Variants in C8orf82 observed in about 807,000 individuals in gnomAD.
The protein encoded by C8orf82 is chromosome 8 open reading frame 82.
Under a neutral mutation model 15.0 loss-of-function variants are expected in C8orf82, and 24 were observed. The ratio of observed to expected loss-of-function variants is 1.60; its 90% confidence interval spans 1.16 to 2.24. C8orf82 has a LOEUF of 2.24. Among genes scored for constraint, C8orf82 ranks in the 30% most tolerant of loss-of-function variants. The pLI is 0.00. For synonymous variants in C8orf82, 205 were observed against 152.2 expected (o/e 1.35, Z -2.55); for missense variants, 388 against 317.4 (o/e 1.22, Z -1.69).
In C8orf82 at chr8:144,527,734, G is replaced by C; in HGVS notation, c.259C>G (p.Arg87Gly). 6.3e-7 allele frequency: 1 copy of C among 1,592,644 alleles called. No individual in the cohort carries two copies. The highest frequency in any genetic ancestry group is 8.5e-7 in the Non-Finnish European group (1 of 1,176,754). The change falls in exon 3 of 3, where the codon CGC becomes GGC. Residue 87 changes from arginine to glycine, a missense_variant. Transcript: ENST00000524821. The part of the protein sequence containing the change: ...FSRLRPNRSG[R>G]YEAAFPFLSP... ...AGGAAGGGGAAAGCGGCCTCGTAGC[G>C]CCCGCTGCGGTTGGGTCTCAGGCGG...
At position 144,526,305 on chromosome 8, in the gene C8orf82, G is replaced by C. The variant is rs950955527; in HGVS notation, c.*1037C>G. 6.6e-6 allele frequency: 1 copy of C among 152,378 alleles called. No homozygotes were observed. Among genetic ancestry groups the C allele is most frequent in the East Asian group, 1.9e-4 (1 of 5,192 alleles). The allele number at this position is 152,378 out of a possible 1,614,324, so 9.4% of individuals were successfully genotyped here. ...GTCTCAGGACGCGTGTGAACCCCAA[G>C]AAGTTGGGGGCGTTATCTGGGCCCT... is the stretch of plus-strand genomic sequence containing the variant. On this transcript the variant is annotated 3_prime_UTR_variant, in exon 3 of 3. Coordinates refer to ENST00000524821, the MANE Select transcript of C8orf82 (RefSeq NM_001001795.2).
rs991710605 is a variant in C8orf82, at chr8:144,527,373, G to A, written c.620C>T (p.Ala207Val). The A allele has an allele frequency of 1.6e-6, 2 of 1,232,500 alleles. No individual in the cohort carries two copies. The highest frequency in any genetic ancestry group is 1.6e-5 in the African/African-American group (1 of 62,180). 76.3% of individuals were successfully genotyped at this position (1,232,500 alleles called of 1,614,324 possible). A position where few individuals can be genotyped will look rare whatever the true frequency, so the allele number is the denominator to read the frequency against. ...CGACCGAGCCGCGAGCAGCAGCGGG[G>A]CCAGGTCCATGGTGAGGGCGAGGCG... ...GRRLALTMDL[A>V]PLLLAARSP is the part of the protein sequence containing the mutation. The change falls in exon 3 of 3, where the codon GCC becomes GTC. Residue 207 changes from alanine to valine, a missense_variant. Ala to Val is a moderately conservative substitution (Grantham distance 64, BLOSUM62 0). Transcript: ENST00000524821.
In C8orf82 at chr8:144,527,153, T is replaced by G. The variant is rs1816394811; in HGVS notation, c.*189A>C. 1.5e-5 allele frequency: 4 copies of G among 260,392 alleles called. No individual in the cohort carries two copies. Among genetic ancestry groups the G allele is most frequent in the Admixed American group, 5.9e-5 (1 of 17,044 alleles). The allele number at this position is 260,392 out of a possible 1,614,324, so 16.1% of individuals were successfully genotyped here. A position where few individuals can be genotyped will look rare whatever the true frequency, so the allele number is the denominator to read the frequency against. ...TCGGGTGCGCGGGGGGCGCGCGCCGTGGGGAGCGGGGTGTCCGGGAGGGCC... is the reference window on the plus strand; with the variant it reads ...TCGGGTGCGCGGGGGGCGCGCGCCGGGGGGAGCGGGGTGTCCGGGAGGGCC... On this transcript the variant is annotated 3_prime_UTR_variant, in exon 3 of 3. Coordinates refer to ENST00000524821, the MANE Select transcript of C8orf82 (RefSeq NM_001001795.2).
At position 144,529,083 on chromosome 8, in the gene C8orf82, T is replaced by C. The variant is rs1020754688; in HGVS notation, c.-167A>G. The C allele has an allele frequency of 2.1e-5, 13 of 626,516 alleles. No individual in the cohort carries two copies. In the Admixed American group the frequency reaches 3.1e-4, roughly 15 times the overall value. The allele number at this position is 626,516 out of a possible 1,614,324, so 38.8% of individuals were successfully genotyped here. On this transcript the variant is annotated 5_prime_UTR_variant, in exon 1 of 3. Transcript: ENST00000524821. ...TCGGGCCTCGGGGGCTCGCCCGCCCTGGCCTTCCGAGAGGCGTGTGCCGGT... is the reference window on the plus strand; with the variant it reads ...TCGGGCCTCGGGGGCTCGCCCGCCCCGGCCTTCCGAGAGGCGTGTGCCGGT...
Position 144,527,429 on chromosome 8 carries a change from C to A in C8orf82, c.564G>T (p.Ala188=). 1 of 1,240,760 alleles carries A rather than the reference C, an allele frequency of 8.1e-7. No homozygotes were observed. The highest frequency in any genetic ancestry group is 1.0e-6 in the Non-Finnish European group (1 of 989,450). 76.9% of individuals were successfully genotyped at this position (1,240,760 alleles called of 1,614,324 possible). Residue 188 remains alanine (A), a synonymous_variant, in exon 3 of 3, where the codon GCG becomes GCT. Transcript: ENST00000524821. ...ACFEYGPGAP[A]LPSHVRWQGR... is the part of the protein sequence containing the mutation. ...CCTGCCAGCGCACGTGCGAGGGCAGCGCAGGCGCGCCGGGCCCGTACTCGA... is the reference window on the plus strand; with the variant it reads ...CCTGCCAGCGCACGTGCGAGGGCAGAGCAGGCGCGCCGGGCCCGTACTCGA...
rs1349686546 is a variant in C8orf82, at chr8:144,526,143, G to A, written c.*1199C>T. 1 of 152,220 alleles carries A rather than the reference G, an allele frequency of 6.6e-6. No homozygotes were observed. Among genetic ancestry groups the A allele is most frequent in the Non-Finnish European group, 1.5e-5 (1 of 68,046 alleles). 9.4% of individuals were successfully genotyped at this position (152,220 alleles called of 1,614,324 possible). On this transcript the variant is annotated 3_prime_UTR_variant, in exon 3 of 3. Transcript: ENST00000524821. ...CTTTCGAGTCATGTGGAAAGGGACA[G>A]GACCAAGTGGCCTTGGTGTTTAAAT...
At position 144,527,262 on chromosome 8, in the gene C8orf82, C is replaced by G. The variant is rs1816400420; in HGVS notation, c.*80G>C. ...ACTAGGCTGCCGCGAGCGCGGGTGGCGCGGGCTTTCCGGGGCGTGGAGTCC... is the reference window on the plus strand; with the variant it reads ...ACTAGGCTGCCGCGAGCGCGGGTGGGGCGGGCTTTCCGGGGCGTGGAGTCC... On this transcript the variant is annotated 3_prime_UTR_variant, in exon 3 of 3. Transcript: ENST00000524821. 1 of 1,003,334 alleles carries G rather than the reference C, an allele frequency of 1.0e-6. No individual in the cohort carries two copies. The highest frequency in any genetic ancestry group is 1.7e-5 in the African/African-American group (1 of 58,186). The allele number at this position is 1,003,334 out of a possible 1,614,324, so 62.2% of individuals were successfully genotyped here.
At chr8:144,528,308 C>T (rs756951988) in intron 1 of C8orf82, 23 of 1,510,436 alleles carry the variant, frequency 1.5e-5, no homozygotes, top group East Asian at 1.3e-4. Flanking sequence ...GCACCTTTTC[C>T]CTCTTTTCAA....
Position 144,527,584 on chromosome 8 carries a change from C to T in C8orf82, c.409G>A (p.Ala137Thr), listed in dbSNP as rs1227449181. The change falls in exon 3 of 3, where the codon GCC (alanine) becomes ACC (threonine). Residue 137 changes from alanine to threonine, a missense_variant. Ala to Thr is a moderately conservative substitution (Grantham distance 58, BLOSUM62 0). Coordinates refer to ENST00000524821, the MANE Select transcript of C8orf82 (RefSeq NM_001001795.2). Reference protein sequence around the residue: ...LSYCGGGEALAVPFEPARLLP... With the variant: ...LSYCGGGEALTVPFEPARLLP... The stretch of plus-strand genomic sequence containing the variant: ...AGGCGCGCCGGCTCGAAGGGCACGG[C>T]CAGGGCCTCGCCACCGCCGCAGTAG... 3 of 1,505,710 alleles carry T rather than the reference C, an allele frequency of 2.0e-6. No homozygotes were observed. Among genetic ancestry groups the T allele is most frequent in the East Asian group, 5.1e-5 (2 of 39,018 alleles). The allele number at this position is 1,505,710 out of a possible 1,614,324, so 93.3% of individuals were successfully genotyped here.
In C8orf82 at chr8:144,527,816, C is replaced by T. The variant is rs554366975; in HGVS notation, c.206-29G>A. 3.8e-6 allele frequency: 6 copies of T among 1,588,692 alleles called. No individual in the cohort carries two copies. In the South Asian group the frequency reaches 6.7e-5, roughly 18 times the overall value. On this transcript the variant is annotated intron_variant, in intron 2 of 2. Transcript: ENST00000524821. ...GGGGATGAAGGGTGCGTGTACTCAG[C>T]GCGCTGGGCTCCCAAGGCCTCCGGG...
chr8:144,528,276 C>A (rs1356476061), intron 1 of C8orf82: 1 of 1,506,360 alleles, frequency 6.6e-7, no homozygotes, highest in Admixed American at 2.0e-5. Flanking sequence ...ACCTCTGCTC[C>A]CTGGTCAGCC....
At chr8:144,528,433 T>C (rs1278657133) in intron 1 of C8orf82, 6 of 1,480,396 alleles carry the variant, frequency 4.1e-6, no homozygotes, top group African/African-American at 1.4e-5. Flanking sequence ...CCCGGGTGTC[T>C]CCCTGGCAGC....
rs1186697398 is a variant in C8orf82 at position 144,527,254 on chromosome 8, G to C, written c.*88C>G. On this transcript the variant is annotated 3_prime_UTR_variant, in exon 3 of 3. Coordinates refer to ENST00000524821, the MANE Select transcript of C8orf82 (RefSeq NM_001001795.2). ...GCAGGCGCACTAGGCTGCCGCGAGCGCGGGTGGCGCGGGCTTTCCGGGGCG... is the reference window on the plus strand; with the variant it reads ...GCAGGCGCACTAGGCTGCCGCGAGCCCGGGTGGCGCGGGCTTTCCGGGGCG... 1.1e-6 allele frequency: 1 copy of C among 937,026 alleles called. No homozygotes were observed. The highest frequency in any genetic ancestry group is 1.3e-6 in the Non-Finnish European group (1 of 746,078). 58.0% of individuals were successfully genotyped at this position (937,026 alleles called of 1,614,324 possible).
rs1360954595 is a variant in C8orf82, at chr8:144,528,021, T to G, written c.205+3A>C. The G allele has an allele frequency of 2.5e-6, 4 of 1,612,368 alleles. No homozygotes were observed. Among genetic ancestry groups the G allele is most frequent in the Non-Finnish European group, 2.5e-6 (3 of 1,179,614 alleles). On this transcript the variant is annotated splice_donor_region_variant and intron_variant, in intron 2 of 2. Transcript: ENST00000524821. ...GGGGCTGGAGAGGGAGGCACAGCATTACCTTTGAAGCAGGTGATGAAATTC... is the reference window on the plus strand; with the variant it reads ...GGGGCTGGAGAGGGAGGCACAGCATGACCTTTGAAGCAGGTGATGAAATTC...
intron 2 of C8orf82, 32 bp from the exon 3 acceptor site, chr8:144,527,819 G>T (rs776154518): frequency 1.3e-6 from 2 of 1,586,976 alleles, no homozygotes; most frequent in South Asian, 2.2e-5. Flanking sequence ...TACTCAGCGC[G>T]CTGGGCTCCC....
In C8orf82 at chr8:144,527,033, G is replaced by C. The variant is rs1323470429; in HGVS notation, c.*309C>G. On this transcript the variant is annotated 3_prime_UTR_variant, in exon 3 of 3. Coordinates refer to ENST00000524821, the MANE Select transcript of C8orf82 (RefSeq NM_001001795.2). ...GGCCCGAGCAGTCGCCGGGCTGGGA[G>C]GGGGCGGGGGACGCTCGCGCACGCG... 1.6e-4 allele frequency: 25 copies of C among 157,548 alleles called. No individual in the cohort carries two copies. The Admixed American group carries it at 1.6e-3, about 10-fold the overall frequency. The allele number at this position is 157,548 out of a possible 1,614,324, so 9.8% of individuals were successfully genotyped here.
In C8orf82 at chr8:144,528,882, G is replaced by A. The variant is rs1816512619; in HGVS notation, c.35C>T (p.Ala12Val). The A allele has an allele frequency of 3.3e-6, 5 of 1,517,918 alleles. No individual in the cohort carries two copies. In the East Asian group the frequency reaches 1.4e-4, roughly 42 times the overall value. 94.0% of individuals were successfully genotyped at this position (1,517,918 alleles called of 1,614,324 possible). ...WPPCGTLRTL[A>V]LARSRGARAC... ...CCGGGCTCCCCGCGACCGCGCCAAGGCCAGGGTCCGGAGCGTCCCGCAAGG... is the reference window on the plus strand; with the variant it reads ...CCGGGCTCCCCGCGACCGCGCCAAGACCAGGGTCCGGAGCGTCCCGCAAGG... Residue 12 changes from alanine to valine, a missense_variant, in exon 1 of 3, where the codon GCC becomes GTC. Ala to Val is a moderately conservative substitution (Grantham distance 64). Transcript: ENST00000524821.
chr8:144,527,630 G>T lies in C8orf82; in HGVS notation c.363C>A (p.Asp121Glu). The T allele has an allele frequency of 6.5e-7, 1 of 1,535,706 alleles. No homozygotes were observed. The highest frequency in any genetic ancestry group is 8.7e-7 in the Non-Finnish European group (1 of 1,146,778). The change falls in exon 3 of 3, where the codon GAC becomes GAA. Residue 121 changes from aspartate to glutamate, a missense_variant. Physicochemically the swap from Asp to Glu is conservative, Grantham distance 45. Transcript: ENST00000524821. ...AGTAGGAGAGGCGCGGAGGCCCGTG[G>T]TCCGCGGTCAGCAGGTGCGTGAAGA... ...PVVFTHLLTA[D>E]HGPPRLSYCG... is the part of the protein sequence containing the mutation.
rs1375722375 is a variant in C8orf82, at chr8:144,528,855, G to T, written c.62C>A (p.Ala21Asp). The T allele has an allele frequency of 6.6e-7, 1 of 1,520,720 alleles. No individual in the cohort carries two copies. 94.2% of individuals were successfully genotyped at this position (1,520,720 alleles called of 1,614,324 possible). The change falls in exon 1 of 3, where the codon GCC becomes GAC. Residue 21 changes from alanine to aspartate, a missense_variant. Coordinates refer to ENST00000524821, the MANE Select transcript of C8orf82 (RefSeq NM_001001795.2). ...LALARSRGAR[A>D]CSGDGGVSYT... is the part of the protein sequence containing the mutation. ...GGAAACGCCCCCATCCCCGCTGCAG[G>T]CCCGGGCTCCCCGCGACCGCGCCAA...
Sources: allele counts gnomAD v4.1 joint callset, GRCh38; gene constraint gnomAD v4.1.1; transcripts MANE v1.5; gene names NCBI Gene and HGNC (gene_info 2026-07-23, HGNC 2026-07-21).